The following RBL1 variants were observed in gnomAD, a reference collection of about 807,000 sequenced individuals.
RBL1 encodes the protein retinoblastoma-like protein 1.
A neutral mutation model predicts 123.0 loss-of-function variants in RBL1; 82 were observed. The ratio of observed to expected loss-of-function variants is 0.67; its 90% CI spans 0.56 to 0.80. The LOEUF (loss-of-function observed/expected upper bound fraction) is 0.80. Among genes scored for constraint, RBL1 ranks in the 30% least tolerant of loss-of-function variants. The pLI, the probability that RBL1 is intolerant of heterozygous loss-of-function variation, is 0.00. For missense variants in RBL1, 1,171 were observed against 1,299.6 expected (o/e 0.90, Z 1.52); for synonymous variants, 405 against 441.3 (o/e 0.92, Z 1.03).
chr20:37,060,986 TA>T, intron 9 of RBL1, 116 bp downstream of exon 9: 1 of 1,166,596 alleles, frequency 8.6e-7, no homozygotes, highest in Non-Finnish European at 1.2e-6. Flanking sequence ...AATGGTATAG[TA>T]AAACTTGCCA....
chr20:37,003,753 G>A lies in RBL1; in HGVS notation c.2985C>T (p.Gly995=), dbSNP rs2064024045. 6.2e-7 allele frequency: 1 copy of A among 1,613,898 alleles called. No individual in the cohort carries two copies. Among genetic ancestry groups the A allele is most frequent in the African/African-American group, 1.3e-5 (1 of 74,896 alleles). Residue 995 remains glycine (G), a synonymous_variant, in exon 21 of 22, where the codon GGC becomes GGT. Transcript: ENST00000373664. ...IYISPHKNGS[G]LTPRSALLYK... Reference sequence around the variant, plus strand: ...ACAGCAGAGCGCTTCTTGGTGTAAGGCCTGACCCATTCTTGTGCGGGGAAA... The same window carrying A: ...ACAGCAGAGCGCTTCTTGGTGTAAGACCTGACCCATTCTTGTGCGGGGAAA...
intron 2 of RBL1, among the ~76,000 whole-genome samples, chr20:37,087,171 C>T (rs1217450203): frequency 2.0e-5 from 3 of 152,040 alleles, no homozygotes; most frequent in Non-Finnish European, 4.4e-5. Flanking sequence ...CACATCTCTA[C>T]GAAAAATACA....
chr20:37,066,775 T>A lies in RBL1; in HGVS notation c.795A>T (p.Gly265=). 6.2e-7 allele frequency: 1 copy of A among 1,613,834 alleles called. No homozygotes were observed. Among genetic ancestry groups the A allele is most frequent in the Non-Finnish European group, 8.5e-7 (1 of 1,179,762 alleles). The change falls in exon 6 of 22, where the codon GGA becomes GGT. Residue 265 remains glycine, a synonymous_variant. Transcript: ENST00000373664. ...LHDGLLVEAK[G]IKEHYFKPYI... ...ATGGCTTAAAGTAGTGCTCCTTTAT[T>A]CCTTTTGCTTCTACGAGAAGTCCAT...
At chr20:37,051,441 A>G (rs1033415409) in intron 11 of RBL1, among the ~76,000 whole-genome samples, 1 of 152,196 alleles carries the variant, frequency 6.6e-6, no homozygotes, top group African/African-American at 2.4e-5. Flanking sequence ...TTGGCCTCCC[A>G]AAGTGTTGGG....
At chr20:37,013,436 G>C (rs572678265) in intron 19 of RBL1, among the ~76,000 whole-genome samples, 1 of 151,374 alleles carries the variant, frequency 6.6e-6, no homozygotes, top group Non-Finnish European at 1.5e-5. Flanking sequence ...CAAGTACCCC[G>C]GGACACAAAC....
chr20:37,044,315 G>A, intron 12 of RBL1, 65 bp from the exon 13 acceptor site: 4 of 1,479,800 alleles, frequency 2.7e-6, no homozygotes, highest in South Asian at 1.2e-5. Context: ...GGACTTGCAT[G>A]TAGGACTAGC....
chr20:37,038,756 C>T (rs1454469228), intron 14 of RBL1, among the ~76,000 whole-genome samples: 2 of 151,870 alleles, frequency 1.3e-5, no homozygotes, highest in Admixed American at 1.3e-4. Flanking sequence ...GCACCCGCCA[C>T]CACACCCAGC....
At chr20:37,049,328 T>C (rs939823839) in intron 11 of RBL1, 10 of 658,256 alleles carry the variant, frequency 1.5e-5, no homozygotes, top group Admixed American at 4.4e-5. Context: ...CGACAGAAAA[T>C]GTAAAGACCA....
chr20:37,022,546 C>G, intron 17 of RBL1, 104 bp downstream of exon 17: 2 of 1,109,030 alleles, frequency 1.8e-6, no homozygotes, highest in Non-Finnish European at 2.5e-6. Flanking sequence ...AAGCTGGTCT[C>G]GAAATCCTGG....
chr20:37,018,293 T>G lies in RBL1; in HGVS notation c.2708A>C (p.Glu903Ala), dbSNP rs1276635453. ...AYNKNINDDF[E>A]MIDCDLEDAT... Reference sequence around the variant, plus strand: ...GGATAACTTACCACAATCTATCATTTCAAAGTCATCATTTATATTTTTATT... The same window carrying G: ...GGATAACTTACCACAATCTATCATTGCAAAGTCATCATTTATATTTTTATT... Residue 903 changes from glutamate to alanine, a missense_variant, in exon 19 of 22, where the codon GAA becomes GCA. Physicochemically the swap from Glu to Ala is moderately radical, Grantham distance 107. Coordinates refer to ENST00000373664, the MANE Select transcript of RBL1 (RefSeq NM_002895.5). The G allele has an allele frequency of 1.2e-6, 2 of 1,610,698 alleles. No homozygotes were observed. Among genetic ancestry groups the G allele is most frequent in the Non-Finnish European group, 8.5e-7 (1 of 1,178,900 alleles).
chr20:37,069,535 G>A (rs1425444205), intron 2 of RBL1, among the ~76,000 whole-genome samples: 12 of 151,030 alleles, frequency 7.9e-5, no homozygotes, highest in African/African-American at 2.2e-4. Flanking sequence ...CTGCGACCCC[G>A]TCTGGGAGGT....
At chr20:37,072,828 C>A (rs551113799) in intron 2 of RBL1, among the ~76,000 whole-genome samples, 3 of 152,312 alleles carry the variant, frequency 2.0e-5, no homozygotes, top group South Asian at 2.1e-4. Flanking sequence ...CTGTGATATG[C>A]TCTTTGGCTG....
intron 20 of RBL1, among the ~76,000 whole-genome samples, chr20:37,005,890 C>CTT (rs1568814331): frequency 7.8e-5 from 8 of 102,250 alleles, no homozygotes; most frequent in Non-Finnish European, 9.4e-5. Flanking sequence ...TTTTTTTTTT[C>CTT]TTTCTTTTTT....
intron 19 of RBL1, among the ~76,000 whole-genome samples, chr20:37,012,428 T>C (rs1170110590): frequency 6.6e-6 from 1 of 151,416 alleles, no homozygotes; most frequent in Non-Finnish European, 1.5e-5. Flanking sequence ...GGAGCGCCTC[T>C]TCCCGGCCGC....
In RBL1 at chr20:37,040,260, G is replaced by A. The variant is rs1458336200; in HGVS notation, c.1796C>T (p.Thr599Ile). The A allele has an allele frequency of 1.2e-6, 2 of 1,613,966 alleles. No individual in the cohort carries two copies. The highest frequency in any genetic ancestry group is 1.7e-6 in the Non-Finnish European group (2 of 1,179,946). ...EEVIFPNNFE[T>I]GNGGNVQGHL... ...TCCCTGCACATTTCCTCCATTTCCT[G>A]TTTCAAAGTTATTTGGGAATATAAC... Residue 599 changes from threonine (T) to isoleucine (I), a missense_variant, in exon 14 of 22, where the codon ACA becomes ATA. Coordinates refer to ENST00000373664, the MANE Select transcript of RBL1 (RefSeq NM_002895.5).
chr20:37,002,912 C>T (rs1048057992), intron 21 of RBL1, among the ~76,000 whole-genome samples: 6 of 151,572 alleles, frequency 4.0e-5, no homozygotes, highest in African/African-American at 9.7e-5. Context: ...TTAGTAAAGA[C>T]GGGGTTTCAC....
At position 37,032,650 on chromosome 20, in the gene RBL1, T is replaced by C. The variant is rs1163745438; in HGVS notation, c.2382+15A>G. 1.9e-6 allele frequency: 3 copies of C among 1,613,380 alleles called. No homozygotes were observed. Among genetic ancestry groups the C allele is most frequent in the East Asian group, 4.5e-5 (2 of 44,824 alleles). On this transcript the variant is annotated intron_variant, in intron 16 of 21. Coordinates refer to ENST00000373664, the MANE Select transcript of RBL1 (RefSeq NM_002895.5). Reference sequence around the variant, plus strand: ...GATTAAACAAATTCTTCTAAAGTGCTATAAAAACACATACCTTTCTGTAAA... The same window carrying C: ...GATTAAACAAATTCTTCTAAAGTGCCATAAAAACACATACCTTTCTGTAAA...
intron 14 of RBL1, 111 bp downstream of exon 14, chr20:37,040,042 C>A: frequency 6.7e-7 from 1 of 1,482,330 alleles, no homozygotes; most frequent in Non-Finnish European, 9.2e-7. Context: ...TCGAACCCTG[C>A]TGAATAAATT....
At chr20:37,043,308 G>A (rs2064764347) in intron 13 of RBL1, among the ~76,000 whole-genome samples, 2 of 151,988 alleles carry the variant, frequency 1.3e-5, no homozygotes, top group South Asian at 4.2e-4. Flanking sequence ...ACAAGATGGT[G>A]AAACCCCGTC....
Sources: gnomAD v4.1 joint callset for allele counts (sites outside exome capture counted in the v4.1 genomes callset) on GRCh38, gnomAD v4.1.1 for gene constraint, MANE v1.5 for transcripts, NCBI Gene and HGNC (gene_info 2026-07-23, HGNC 2026-07-21) for gene names.